Variants in TOP3B observed in about 807,000 individuals in gnomAD.
The protein encoded by TOP3B is DNA topoisomerase III beta.
A neutral mutation model predicts 93.9 loss-of-function variants in TOP3B; 45 were observed. The ratio of observed to expected loss-of-function variants is 0.48; its 90% confidence interval spans 0.38 to 0.61. The LOEUF is 0.61. Ranked by LOEUF, TOP3B falls within the 20% of genes least tolerant of loss-of-function variation. TOP3B has a pLI of 0.00. For synonymous variants in TOP3B, 357 were observed against 472.6 expected (o/e 0.76, Z 3.17); for missense variants, 750 against 1,156.1 (o/e 0.65, Z 5.09).
At chr22:21,966,251 CTGG>C (rs2071409805) in intron 8 of TOP3B, 2 of 152,074 alleles carry the variant, frequency 1.3e-5, no homozygotes, top group African/African-American at 4.8e-5. Flanking sequence ...GTTGTCCAGG[CTGG>C]TCTCAAACTC....
At position 21,971,862 on chromosome 22, in the gene TOP3B, G is replaced by C; in HGVS notation, c.384+15C>G. 2.5e-6 allele frequency: 4 copies of C among 1,613,690 alleles called. No individual in the cohort carries two copies. Among genetic ancestry groups the C allele is most frequent in the Non-Finnish European group, 3.4e-6 (4 of 1,179,658 alleles). On this transcript the variant is annotated intron_variant, in intron 5 of 17. Coordinates refer to ENST00000357179, the MANE Select transcript of TOP3B (RefSeq NM_001282112.2). This position sits in a 1 kb window ranked among gnomAD's most constrained non-coding sequence, Gnocchi z 4.6. The stretch of plus-strand genomic sequence containing the variant: ...AAAGGCCAAAAGTGAGGAACAAAGT[G>C]AGCCTCACACTCACCTCAAAGCAGA...
chr22:21,972,945 C>A, intron 3 of TOP3B: 1 of 528,366 alleles, frequency 1.9e-6, no homozygotes, highest in Non-Finnish European at 3.4e-6. Flanking sequence ...AGCGGACCCA[C>A]CACACCCCGG....
rs755428484 is a variant in TOP3B at position 21,964,298 on chromosome 22, C to T, written c.961G>A (p.Ala321Thr). 1.0e-4 allele frequency: 165 copies of T among 1,613,588 alleles called. No individual in the cohort carries two copies. Among genetic ancestry groups the T allele is most frequent in the Non-Finnish European group, 1.3e-4 (155 of 1,179,952 alleles). Residue 321 changes from alanine to threonine, a missense_variant, in exon 10 of 18, where the codon GCC (alanine) becomes ACC (threonine). Transcript: ENST00000357179. ...SSSLGMGPQH[A>T]MQTAERLYTQ... ...TAGAGCCGCTCAGCCGTCTGCATGG[C>T]GTGCTGCGGCCCCATGCCTGCGAGA...
intron 10 of TOP3B, 59 bp downstream of exon 10, chr22:21,964,102 C>A: frequency 6.2e-7 from 1 of 1,610,222 alleles, no homozygotes; most frequent in Admixed American, 1.7e-5. Flanking sequence ...ACGTACCAGA[C>A]CTGGTCCCAA....
At chr22:21,978,016 G>A (rs2145884010) in intron 1 of TOP3B, among the ~76,000 whole-genome samples, 1 of 152,164 alleles carries the variant, frequency 6.6e-6, no homozygotes, top group South Asian at 2.1e-4. Flanking sequence ...GCTGGGCAGG[G>A]GGGCTCATGG....
intron 3 of TOP3B, 66 bp from the exon 4 acceptor site, chr22:21,972,784 G>A: frequency 7.5e-7 from 1 of 1,341,356 alleles, no homozygotes; most frequent in Non-Finnish European, 1.1e-6. Flanking sequence ...ATAACCCCAG[G>A]AGGATGTTGG....
chr22:21,965,150 A>G, intron 9 of TOP3B, 135 bp downstream of exon 9: 3 of 528,094 alleles, frequency 5.7e-6, no homozygotes, highest in Non-Finnish European at 9.6e-6. Context: ...CAACCTAAGG[A>G]TAAGTGAAAT....
At chr22:21,972,541 TG>T in intron 4 of TOP3B, 70 bp downstream of exon 4, 1 of 1,206,284 alleles carries the variant, frequency 8.3e-7, no homozygotes, top group Non-Finnish European at 1.2e-6. Context: ...CAAGCAAGGG[TG>T]GGCAAAGACA....
At chr22:21,972,516 A>T (rs1601851362) in intron 4 of TOP3B, 96 bp downstream of exon 4, 1 of 949,200 alleles carries the variant, frequency 1.1e-6, no homozygotes. Context: ...CCCCTGTCCA[A>T]GGGGGATTAG....
At position 21,958,686 on chromosome 22, in the gene TOP3B, G is replaced by A; in HGVS notation, c.1913C>T (p.Pro638Leu). Residue 638 changes from proline (P) to leucine (L), a missense_variant, in exon 17 of 18, where the codon CCA becomes CTA. Pro to Leu is a moderately conservative substitution (Grantham distance 98). This residue lies in a region of TOP3B where 737 missense variants were observed against 933.7 expected (regional missense o/e 0.79). Transcript: ENST00000357179. Reference protein sequence around the residue: ...HRFMKYIQAKPSRLHCSHCDE... With the variant: ...HRFMKYIQAKLSRLHCSHCDE... ...GCAGTGGGAGCAGTGCAGGCGGCTT[G>A]GCTTGGCCTGCGGCAATGCCAGGCA... The A allele has an allele frequency of 2.5e-6, 4 of 1,597,422 alleles. No homozygotes were observed. Among genetic ancestry groups the A allele is most frequent in the Non-Finnish European group, 3.4e-6 (4 of 1,168,144 alleles).
rs909322544 is a variant in TOP3B at position 21,960,388 on chromosome 22, C to T, written c.1587G>A (p.Val529=). The change falls in exon 14 of 18, where the codon GTG becomes GTA. Residue 529 remains valine (V), a synonymous_variant. Transcript: ENST00000357179. Reference sequence around the variant, plus strand: ...TGGGCTTGAGCCGGCGCCCGCTCTCCACCGTGACATAGTTGCGCTGGCAGA... The same window carrying T: ...TGGGCTTGAGCCGGCGCCCGCTCTCTACCGTGACATAGTTGCGCTGGCAGA... The part of the protein sequence containing the change: ...NNICQRNYVT[V]ESGRRLKPTN... The T allele has an allele frequency of 1.9e-6, 3 of 1,613,632 alleles. No homozygotes were observed. The highest frequency in any genetic ancestry group is 2.7e-5 in the African/African-American group (2 of 74,912).
At chr22:21,968,289 TTTAAA>T (rs1049283405) in intron 7 of TOP3B, 1 of 287,238 alleles carries the variant, frequency 3.5e-6, no homozygotes, top group African/African-American at 2.2e-5. Flanking sequence ...TTCTAGGAAT[TTTAAA>T]AAGTTTGAAA....
chr22:21,957,917 T>G (rs1290150319), intron 17 of TOP3B: 5 of 1,452,878 alleles, frequency 3.4e-6, no homozygotes, highest in Non-Finnish European at 4.6e-6. Context: ...CTGGGCCACA[T>G]GGAACCACCC....
Position 21,970,939 on chromosome 22 carries a change from T to C in TOP3B, c.385-533A>G. The C allele has an allele frequency of 8.8e-7, 1 of 1,130,988 alleles. No individual in the cohort carries two copies. Among genetic ancestry groups the C allele is most frequent in the Non-Finnish European group, 1.1e-6 (1 of 897,546 alleles). The allele number at this position is 1,130,988 out of a possible 1,614,324, so 70.1% of individuals were successfully genotyped here. On this transcript the variant is annotated intron_variant, in intron 5 of 17. Transcript: ENST00000357179. The surrounding 1 kb of genome is among the most constrained non-coding windows in gnomAD (Gnocchi z 4.4). ...GGTCCTAGCTTGTGGTGGGGGCAGC[T>C]CGGGCTAAAGCACAGCAGGGGTCCT... is the stretch of plus-strand genomic sequence containing the variant.
chr22:21,970,616 A>T lies in TOP3B; in HGVS notation c.385-210T>A. ...TTCCAGAAGCCCTGAGCACTCCACA[A>T]CACCCCACCACATGGCTTCCTTTAC... On this transcript the variant is annotated intron_variant, in intron 5 of 17. Coordinates refer to ENST00000357179, the MANE Select transcript of TOP3B (RefSeq NM_001282112.2). This position sits in a 1 kb window ranked among gnomAD's most constrained non-coding sequence, Gnocchi z 4.4. The T allele has an allele frequency of 3.4e-6, 2 of 588,904 alleles. No individual in the cohort carries two copies. The highest frequency in any genetic ancestry group is 4.1e-5 in the South Asian group (2 of 49,070). The allele number at this position is 588,904 out of a possible 1,614,324, so 36.5% of individuals were successfully genotyped here.
intron 1 of TOP3B, chr22:21,977,346 T>A (rs9607466): frequency 1.3e-5 from 2 of 151,892 alleles, no homozygotes; most frequent in African/African-American, 4.8e-5. Context: ...CTGGCCAACA[T>A]GGCAAAACCC....
intron 1 of TOP3B, among the ~76,000 whole-genome samples, chr22:21,980,271 T>C (rs2084601311): frequency 6.6e-6 from 1 of 152,158 alleles, no homozygotes; most frequent in African/African-American, 2.4e-5. Flanking sequence ...TTTGCACCTT[T>C]TACATTTAGC....
At chr22:21,959,335 G>A (rs913399594) in intron 15 of TOP3B, 103 bp from the exon 16 acceptor site, 22 of 1,552,710 alleles carry the variant, frequency 1.4e-5, no homozygotes, top group Non-Finnish European at 1.7e-5. Context: ...CCCTATAGGC[G>A]GTGGTTTCTA....
intron 17 of TOP3B, 39 bp downstream of exon 17, chr22:21,958,453 T>C (rs2071021147): frequency 1.2e-6 from 2 of 1,613,316 alleles, no homozygotes; most frequent in South Asian, 2.2e-5. Context: ...GAAAAGAGAC[T>C]GCAGCTACCT....
Sources: allele counts gnomAD v4.1 joint callset (sites outside exome capture counted in the v4.1 genomes callset), GRCh38; gene constraint gnomAD v4.1.1; regional missense constraint gnomAD v4.1.1; non-coding constraint Gnocchi (gnomAD v3.1); transcripts MANE v1.5; gene names NCBI Gene and HGNC (gene_info 2026-07-23, HGNC 2026-07-21).